GALNTL6: variants seen among roughly 807,000 people sequenced by gnomAD.
The protein encoded by GALNTL6 is polypeptide N-acetylgalactosaminyltransferase-like 6.
In GALNTL6, 46 loss-of-function variants were observed where a neutral mutation model predicts 73.7. The observed-to-expected ratio is 0.62, with a 90% CI of 0.49 to 0.80. GALNTL6 has a LOEUF of 0.80. Ranked by LOEUF, GALNTL6 falls within the 30% of genes least tolerant of loss-of-function variation. GALNTL6 has a pLI of 0.00. For missense variants in GALNTL6, 604 were observed against 755.0 expected (o/e 0.80, Z 2.34); for synonymous variants, 259 against 263.7 (o/e 0.98, Z 0.17).
intron 4 of GALNTL6, among the ~76,000 whole-genome samples, chr4:172,333,590 A>G (rs1467800181): frequency 6.6e-6 from 1 of 152,070 alleles, no homozygotes; most frequent in Non-Finnish European, 1.5e-5. Flanking sequence ...AGTTCTTTTA[A>G]TTTAACAGCC....
chr4:172,296,650 A>G (rs1450198222), intron 3 of GALNTL6, among the ~76,000 whole-genome samples: 1 of 152,126 alleles, frequency 6.6e-6, no homozygotes, highest in Non-Finnish European at 1.5e-5. Context: ...GCTGAGAATG[A>G]TGGCTTCCAG....
chr4:172,442,319 C>T (rs1476159345), intron 5 of GALNTL6, among the ~76,000 whole-genome samples: 1 of 152,106 alleles, frequency 6.6e-6, no homozygotes, highest in African/African-American at 2.4e-5. Context: ...GTGATCATCT[C>T]GATCACCTGT....
intron 5 of GALNTL6, among the ~76,000 whole-genome samples, chr4:172,604,599 AG>A (rs1738190347): frequency 6.6e-6 from 1 of 152,236 alleles, no homozygotes; most frequent in Non-Finnish European, 1.5e-5. Flanking sequence ...TTAAATTTAA[AG>A]GTAACAAAAT....
chr4:172,468,540 T>TA (rs1288877213), intron 5 of GALNTL6, among the ~76,000 whole-genome samples: 1 of 152,222 alleles, frequency 6.6e-6, no homozygotes, highest in Non-Finnish European at 1.5e-5. Flanking sequence ...TGCAAGGTTA[T>TA]ATATATAATT....
intron 10 of GALNTL6, among the ~76,000 whole-genome samples, chr4:172,960,224 G>C (rs1749971638): frequency 6.6e-6 from 1 of 152,168 alleles, no homozygotes; most frequent in African/African-American, 2.4e-5. Flanking sequence ...CGACGAAAAA[G>C]AGCCTAAACG....
chr4:171,856,165 A>G (rs1481297792), intron 2 of GALNTL6, among the ~76,000 whole-genome samples: 1 of 151,902 alleles, frequency 6.6e-6, no homozygotes, highest in Non-Finnish European at 1.5e-5. Context: ...TGCAGTGGCG[A>G]GATCTTGGCT....
intron 5 of GALNTL6, among the ~76,000 whole-genome samples, chr4:172,697,546 G>A (rs1733769955): frequency 6.6e-6 from 1 of 152,096 alleles, no homozygotes; most frequent in Admixed American, 6.5e-5. Flanking sequence ...ATACACAAGT[G>A]AACAATTGGA....
intron 7 of GALNTL6, among the ~76,000 whole-genome samples, chr4:172,853,895 A>C (rs1031436719): frequency 1.3e-5 from 2 of 152,146 alleles, no homozygotes; most frequent in Non-Finnish European, 2.9e-5. Flanking sequence ...GAGAAGATTC[A>C]ATGACCTCTA....
chr4:172,865,619 T>C (rs570293089), intron 7 of GALNTL6, among the ~76,000 whole-genome samples: 27 of 152,370 alleles, frequency 1.8e-4, no homozygotes, highest in African/African-American at 4.8e-4. Flanking sequence ...TTTTAAAATA[T>C]ACACATAAAT....
intron 2 of GALNTL6, among the ~76,000 whole-genome samples, chr4:172,155,046 G>A (rs1033526690): frequency 7.3e-5 from 11 of 150,416 alleles, no homozygotes; most frequent in African/African-American, 2.7e-4. Context: ...TGTCCAGGCT[G>A]GAGTGCAGTG....
chr4:172,791,397 A>G, intron 5 of GALNTL6, among the ~76,000 whole-genome samples: 1 of 152,216 alleles, frequency 6.6e-6, no homozygotes, highest in East Asian at 1.9e-4. Context: ...ACATTGATAA[A>G]CAACAGTGGT....
In GALNTL6 at chr4:171,883,881, T is replaced by C. The variant is rs527257413; in HGVS notation, c.138+69163T>C. ...TCAGGGTGGTCTCAATCTCCTAACCTTGTGATCTGCCTGCCTCGGCCTCCC... is the reference window on the plus strand; with the variant it reads ...TCAGGGTGGTCTCAATCTCCTAACCCTGTGATCTGCCTGCCTCGGCCTCCC... On this transcript the variant is annotated intron_variant, in intron 2 of 12. Coordinates refer to ENST00000506823, the MANE Select transcript of GALNTL6 (RefSeq NM_001034845.3). Among the ~76,000 whole-genome samples, 3 of 152,104 alleles carry C rather than the reference T, an allele frequency of 2.0e-5. No individual in the cohort carries two copies. In the South Asian group the frequency reaches 6.2e-4, roughly 32 times the overall value.
chr4:171,818,994 T>G (rs9994919), intron 2 of GALNTL6, among the ~76,000 whole-genome samples: 9,079 of 151,866 alleles, frequency 0.06, 896 homozygotes, highest in African/African-American at 0.21. Flanking sequence ...CAAACTGTCT[T>G]AGGCATTTTT....
At chr4:172,026,940 G>A (rs1056052956) in intron 2 of GALNTL6, among the ~76,000 whole-genome samples, 1 of 152,032 alleles carries the variant, frequency 6.6e-6, no homozygotes, top group Non-Finnish European at 1.5e-5. Flanking sequence ...CCAGGCTGGA[G>A]TGCAGTGGCA....
intron 2 of GALNTL6, among the ~76,000 whole-genome samples, chr4:172,175,804 T>G (rs1734971450): frequency 6.6e-6 from 1 of 152,178 alleles, no homozygotes; most frequent in Non-Finnish European, 1.5e-5. Flanking sequence ...ATCTTATAAT[T>G]TATTCTCTTT....
At chr4:172,849,888 G>A (rs1206297257) in intron 7 of GALNTL6, among the ~76,000 whole-genome samples, 3 of 152,160 alleles carry the variant, frequency 2.0e-5, no homozygotes, top group African/African-American at 2.4e-5. Context: ...AACGGAGAAG[G>A]AAACCATATG....
chr4:172,778,947 CT>C (rs988042117), intron 5 of GALNTL6, among the ~76,000 whole-genome samples: 2 of 148,968 alleles, frequency 1.3e-5, no homozygotes, highest in African/African-American at 4.8e-5. Flanking sequence ...AGCCCTGCTG[CT>C]TTTCTTTTTT....
At chr4:172,494,941 A>G (rs1411185301) in intron 5 of GALNTL6, among the ~76,000 whole-genome samples, 3 of 152,190 alleles carry the variant, frequency 2.0e-5, no homozygotes, top group Non-Finnish European at 4.4e-5. Flanking sequence ...CCCAGGAACA[A>G]TACTTTGCAT....
intron 5 of GALNTL6, among the ~76,000 whole-genome samples, chr4:172,392,163 A>G (rs896671626): frequency 5.9e-5 from 9 of 151,868 alleles, no homozygotes; most frequent in Non-Finnish European, 1.2e-4. Context: ...TAATTTTCAT[A>G]TTTTTAGTAG....
Sources: allele counts gnomAD v4.1 joint callset (sites outside exome capture counted in the v4.1 genomes callset), GRCh38; gene constraint gnomAD v4.1.1; transcripts MANE v1.5; gene names NCBI Gene and HGNC (gene_info 2026-07-23, HGNC 2026-07-21).